Variants in CP observed in about 807,000 individuals in gnomAD.
CP encodes caeruloplasmin.
A neutral mutation model predicts 122.4 loss-of-function variants in CP; 64 were observed. The ratio of observed to expected loss-of-function variants is 0.52; its 90% CI spans 0.43 to 0.64. The LOEUF is 0.64. Ranked by LOEUF, CP falls within the 30% of genes least tolerant of loss-of-function variation. The pLI is 0.00. For missense variants in CP, 1,167 were observed against 1,284.4 expected, an observed-to-expected ratio of 0.91 and a Z score of 1.40; for synonymous variants, 440 against 436.4, an observed-to-expected ratio of 1.01 and a Z score of -0.10.
At chr3:149,187,126 TA>T (rs200299341) in intron 10 of CP, among the ~76,000 whole-genome samples, 7 of 149,194 alleles carry the variant, frequency 4.7e-5, no homozygotes, top group Non-Finnish European at 3.0e-5. Context: ...GTTCTAGATT[TA>T]AAAAAAAAAG....
intron 4 of CP, chr3:149,166,994 A>T (rs1724489138): frequency 6.8e-7 from 1 of 1,476,940 alleles, no homozygotes; most frequent in Admixed American, 1.7e-5. Flanking sequence ...TTAGTTTTTG[A>T]GGTGCCTCAT....
In CP at chr3:149,166,024, A is replaced by G. The variant is rs954205187; in HGVS notation, c.613T>C (p.Trp205Arg). 5 of 456,408 alleles carry G rather than the reference A, an allele frequency of 1.1e-5. No individual in the cohort carries two copies. The Middle Eastern group carries it at 9.8e-4, about 89-fold the overall frequency. The allele number at this position is 456,408 out of a possible 1,614,324, so 28.3% of individuals were successfully genotyped here. A position where few individuals can be genotyped will look rare whatever the true frequency, so the allele number is the denominator to read the frequency against. ...ACTGTGATTGGGTAGATCACATTCC[A>G]TATTCTCCTGTGAGTCTCAGAAGAT... Residue 205 changes from tryptophan to arginine, a missense_variant, in exon 5 of 6, where the codon TGG becomes CGG. Physicochemically the swap from Trp to Arg is moderately radical, Grantham distance 101. Coordinates refer to the CP transcript ENST00000479771.
chr3:149,209,154 A>G (rs998035495), intron 4 of CP, 57 bp downstream of exon 4: 30 of 1,604,496 alleles, frequency 1.9e-5, no homozygotes, highest in Non-Finnish European at 2.6e-5. Context: ...TAAGCTTAGC[A>G]GAATTAATGG....
intron 6 of CP, among the ~76,000 whole-genome samples, chr3:149,204,366 T>C (rs1727555939): frequency 6.6e-6 from 1 of 152,166 alleles, no homozygotes; most frequent in Non-Finnish European, 1.5e-5. Context: ...TCATAGGTAT[T>C]GGCAAAGAAG....
At chr3:149,206,428 T>C in intron 5 of CP, 89 bp from the exon 6 acceptor site, 2 of 1,464,430 alleles carry the variant, frequency 1.4e-6, no homozygotes, top group Admixed American at 1.7e-5. Context: ...TGATGACAAG[T>C]AGAAATTGAA....
chr3:149,175,198 T>C (rs1346572893), intron 18 of CP, among the ~76,000 whole-genome samples: 1 of 152,166 alleles, frequency 6.6e-6, no homozygotes, highest in Non-Finnish European at 1.5e-5. Context: ...GCAAGTGTTA[T>C]TTAAAGACTA....
intron 1 of CP, among the ~76,000 whole-genome samples, chr3:149,219,310 A>G (rs1728660652): frequency 6.6e-6 from 1 of 152,170 alleles, no homozygotes; most frequent in South Asian, 2.1e-4. Context: ...AAGTATCTCT[A>G]TTAAGTATAC....
At chr3:149,212,392 C>T in intron 2 of CP, 59 bp downstream of exon 2, 4 of 1,598,470 alleles carry the variant, frequency 2.5e-6, no homozygotes, top group Non-Finnish European at 3.4e-6. Flanking sequence ...ATTTTAGAAG[C>T]TAAAAGGCAC....
intron 1 of CP, among the ~76,000 whole-genome samples, chr3:149,221,337 T>C (rs1157586508): frequency 3.9e-5 from 6 of 152,190 alleles, no homozygotes; most frequent in Non-Finnish European, 8.8e-5. Flanking sequence ...ATACAGTAAT[T>C]GTTTAAATGA....
chr3:149,168,185 T>C, downstream of CP: 1 of 556,706 alleles, frequency 1.8e-6, no homozygotes, highest in Non-Finnish European at 3.3e-6. Context: ...ACTGATGTTC[T>C]TTTAACTTAA....
chr3:149,208,618 CTG>C (rs1475156010), intron 4 of CP, among the ~76,000 whole-genome samples: 2 of 152,128 alleles, frequency 1.3e-5, no homozygotes, highest in African/African-American at 4.8e-5. Context: ...TTAAGGGACT[CTG>C]TTTCTCATGC....
chr3:149,180,502 A>G (rs1474904255), intron 14 of CP, among the ~76,000 whole-genome samples: 2 of 151,848 alleles, frequency 1.3e-5, no homozygotes, highest in Non-Finnish European at 2.9e-5. Context: ...TCCCAGCCAC[A>G]CTCATTTTCC....
At chr3:149,188,489 C>CAAAAAAAAA (rs1559942731) in intron 9 of CP, among the ~76,000 whole-genome samples, 1 of 6,646 alleles carries the variant, frequency 1.5e-4, no homozygotes, top group Non-Finnish European at 3.8e-4. Flanking sequence ...ATTGAAGCCT[C>CAAAAAAAAA]CAAAAAAAAA....
downstream of CP, chr3:149,168,173 G>T: frequency 1.7e-6 from 1 of 575,712 alleles, no homozygotes; most frequent in Non-Finnish European, 3.2e-6. Context: ...CCTAGTCACA[G>T]AACTGATGTT....
Position 149,212,433 on chromosome 3 carries a change from T to C in CP, c.394+18A>G. 6.2e-7 allele frequency: 1 copy of C among 1,613,566 alleles called. No homozygotes were observed. The highest frequency in any genetic ancestry group is 8.5e-7 in the Non-Finnish European group (1 of 1,179,754). ...CTGAAAAGTAAGAGGAAATTCCAGCTACATGAGCTGAACTTACCCTCATGT... is the reference window on the plus strand; with the variant it reads ...CTGAAAAGTAAGAGGAAATTCCAGCCACATGAGCTGAACTTACCCTCATGT... On this transcript the variant is annotated intron_variant, in intron 2 of 18. Coordinates refer to ENST00000264613, the MANE Select transcript of CP (RefSeq NM_000096.4).
chr3:149,214,311 G>C (rs1728308682), intron 1 of CP, among the ~76,000 whole-genome samples: 1 of 152,152 alleles, frequency 6.6e-6, no homozygotes, highest in South Asian at 2.1e-4. Flanking sequence ...GGCTGAGTTT[G>C]GGCAGAGTGA....
In CP at chr3:149,202,138, C is replaced by G. The variant is rs2108277804; in HGVS notation, c.1312G>C (p.Glu438Gln). 1.2e-6 allele frequency: 2 copies of G among 1,614,146 alleles called. No individual in the cohort carries two copies. Among genetic ancestry groups the G allele is most frequent in the Non-Finnish European group, 1.7e-6 (2 of 1,180,020 alleles). ...YTDASFTNRK[E>Q]RGPEEEHLGI... Reference sequence around the variant, plus strand: ...AGATGCTCTTCTTCAGGGCCTCTCTCCTTTCGATTTGTGAAGGAGGCATCT... The same window carrying G: ...AGATGCTCTTCTTCAGGGCCTCTCTGCTTTCGATTTGTGAAGGAGGCATCT... The change falls in exon 7 of 19, where the codon GAG becomes CAG. Residue 438 changes from glutamate to glutamine, a missense_variant. Glu to Gln is a conservative substitution (Grantham distance 29). Coordinates refer to ENST00000264613, the MANE Select transcript of CP (RefSeq NM_000096.4).
intron 11 of CP, 116 bp downstream of exon 11, chr3:149,186,404 G>T: frequency 1.1e-6 from 1 of 940,696 alleles, no homozygotes; most frequent in Non-Finnish European, 1.7e-6. Context: ...GATAGGAAGG[G>T]CACTTCAGAG....
chr3:149,167,259 T>C (rs778784768), intron 4 of CP: 5 of 1,586,404 alleles, frequency 3.2e-6, no homozygotes, highest in Non-Finnish European at 4.3e-6. Flanking sequence ...TTTCAGATTA[T>C]GTTTTTAGGC....
Sources: gnomAD v4.1 joint callset for allele counts (sites outside exome capture counted in the v4.1 genomes callset) on GRCh38, gnomAD v4.1.1 for gene constraint, MANE v1.5 for transcripts, NCBI Gene and HGNC (gene_info 2026-07-23, HGNC 2026-07-21) for gene names.